Variants in KMT2E observed in about 807,000 individuals in gnomAD.
KMT2E encodes the protein histone reader KMT2E.
KMT2E carries 30 observed loss-of-function variants against 184.6 expected under a neutral mutation model. The ratio of observed to expected loss-of-function variants is 0.16; its 90% CI spans 0.12 to 0.22. The LOEUF (loss-of-function observed/expected upper bound fraction) is 0.22, where lower values mean the gene tolerates loss of function less well. Among genes scored for constraint, KMT2E ranks in the 10% least tolerant of loss-of-function variants. The probability of loss-of-function intolerance (pLI) is 1.00; values close to 1 mark genes in which losing one functional copy is unlikely to be tolerated. For missense variants in KMT2E, 2,023 were observed against 2,237.4 expected (o/e 0.90, Z 1.93); for synonymous variants, 815 against 776.5 (o/e 1.05, Z -0.82).
chr7:105,109,994 CT>C (rs1158397389), intron 23 of KMT2E, among the ~76,000 whole-genome samples: 3 of 151,954 alleles, frequency 2.0e-5, no homozygotes, highest in Non-Finnish European at 4.4e-5. Context: ...CCATGCCTGG[CT>C]AATTTTTTTT....
intron 9 of KMT2E, 135 bp downstream of exon 9, chr7:105,076,216 G>A (rs996435363): frequency 3.4e-5 from 21 of 614,798 alleles, no homozygotes; most frequent in Non-Finnish European, 6.0e-5. Flanking sequence ...ACCAGGAGTG[G>A]GACCTTAGTT....
chr7:105,089,544 C>T (rs1798117332), intron 13 of KMT2E, among the ~76,000 whole-genome samples: 1 of 152,178 alleles, frequency 6.6e-6, no homozygotes, highest in Non-Finnish European at 1.5e-5. Context: ...CACCTGACCT[C>T]ATATGATAGG....
At chr7:105,061,617 C>T (rs549309444) in intron 3 of KMT2E, among the ~76,000 whole-genome samples, 18 of 152,264 alleles carry the variant, frequency 1.2e-4, no homozygotes, top group African/African-American at 4.1e-4. Context: ...CAGAATTGCT[C>T]ATCTTACAGA....
At chr7:105,015,784 CTG>C (rs1221966592) in intron 1 of KMT2E, among the ~76,000 whole-genome samples, 1 of 152,048 alleles carries the variant, frequency 6.6e-6, no homozygotes, top group Admixed American at 6.6e-5. Flanking sequence ...CATGAAAAGA[CTG>C]GGCTGTTTTT....
At position 105,078,880 on chromosome 7, in the gene KMT2E, C is replaced by G. The variant is rs778439616; in HGVS notation, c.1165C>G (p.His389Asp). The change falls in exon 12 of 27, where the codon CAT becomes GAT. Residue 389 changes from histidine to aspartate, a missense_variant. Physicochemically the swap from His to Asp is moderately conservative, Grantham distance 81. Coordinates refer to ENST00000311117, the MANE Select transcript of KMT2E (RefSeq NM_182931.3). The part of the protein sequence containing the change: ...YPFVLFYSKF[H>D]GLEMCVDART... ...TTTTGTGTTATTCTACTCTAAATTTCATGGGCTAGAAATGTGTGTTGATGC... is the reference window on the plus strand; with the variant it reads ...TTTTGTGTTATTCTACTCTAAATTTGATGGGCTAGAAATGTGTGTTGATGC... The G allele has an allele frequency of 3.7e-6, 6 of 1,606,940 alleles. No individual in the cohort carries two copies. The highest frequency in any genetic ancestry group is 4.3e-6 in the Non-Finnish European group (5 of 1,174,036).
chr7:105,063,306 T>C (rs1796898139), intron 4 of KMT2E, 45 bp from the exon 5 acceptor site: 1 of 1,346,912 alleles, frequency 7.4e-7, no homozygotes, highest in Admixed American at 2.2e-5. Flanking sequence ...TATATCATTG[T>C]TGAAATTAAA....
intron 13 of KMT2E, among the ~76,000 whole-genome samples, chr7:105,088,699 A>G (rs540395163): frequency 1.3e-5 from 2 of 152,320 alleles, no homozygotes; most frequent in South Asian, 4.1e-4. Flanking sequence ...ACAGACCTGG[A>G]TCTAAATGCC....
chr7:105,097,870 G>A (rs960596629), intron 15 of KMT2E, among the ~76,000 whole-genome samples: 1 of 152,098 alleles, frequency 6.6e-6, no homozygotes, highest in African/African-American at 2.4e-5. Context: ...AACAATGTGA[G>A]TGCTTGCCAT....
chr7:105,041,143 G>C, intron 3 of KMT2E, 120 bp downstream of exon 3: 2 of 457,776 alleles, frequency 4.4e-6, no homozygotes. Flanking sequence ...ATTTTTTAAA[G>C]TAAAAAAAAA....
chr7:105,076,084 A>G lies in KMT2E; in HGVS notation c.768+3A>G, dbSNP rs1272153477. 4 of 1,585,818 alleles carry G rather than the reference A, an allele frequency of 2.5e-6. No homozygotes were observed. The East Asian group carries it at 9.0e-5, about 36-fold the overall frequency. On this transcript the variant is annotated splice_donor_region_variant and intron_variant, in intron 9 of 26. Coordinates refer to ENST00000311117, the MANE Select transcript of KMT2E (RefSeq NM_182931.3). The stretch of plus-strand genomic sequence containing the variant: ...CTAGGAAGTCATCAAGAGTTAAGGT[A>G]AATACATTAATTTTAAGGTGTTGTT...
At chr7:105,073,497 T>G in intron 6 of KMT2E, 122 bp from the exon 7 acceptor site, 1 of 613,324 alleles carries the variant, frequency 1.6e-6, no homozygotes, top group Non-Finnish European at 2.9e-6. Flanking sequence ...CAAGGGATTT[T>G]GTATATATTT....
intron 1 of KMT2E, among the ~76,000 whole-genome samples, chr7:105,027,557 A>T (rs1795222870): frequency 6.6e-6 from 1 of 152,110 alleles, no homozygotes. Context: ...TATTTTTCTT[A>T]TTGGATATGT....
Position 105,107,030 on chromosome 7 carries a change from G to C in KMT2E, c.2848-136G>C, listed in dbSNP as rs367973621. 7.9e-6 allele frequency: 5 copies of C among 636,110 alleles called. No individual in the cohort carries two copies. The African/African-American group carries it at 9.2e-5, about 12-fold the overall frequency. 39.4% of individuals were successfully genotyped at this position (636,110 alleles called of 1,614,324 possible). On this transcript the variant is annotated intron_variant, in intron 20 of 26. Coordinates refer to ENST00000311117, the MANE Select transcript of KMT2E (RefSeq NM_182931.3). ...ATTGATCTTAAAGCAGTCTTATTTG[G>C]GGAATGGAAATAAACAGGAAACAAG...
chr7:105,082,482 T>C (rs1187496940), intron 13 of KMT2E, among the ~76,000 whole-genome samples: 3 of 152,158 alleles, frequency 2.0e-5, no homozygotes, highest in African/African-American at 7.2e-5. Flanking sequence ...GAAAAGAAAA[T>C]GTTTTTAAGA....
Position 105,113,663 on chromosome 7 carries a change from A to G in KMT2E, c.*330A>G, listed in dbSNP as rs1013781120. On this transcript the variant is annotated 3_prime_UTR_variant, in exon 27 of 27. Coordinates refer to ENST00000311117, the MANE Select transcript of KMT2E (RefSeq NM_182931.3). ...TCTATTATTTTATACATACACATTA[A>G]GTACTCAGCTAAGTAATGGCACTAT... is the stretch of plus-strand genomic sequence containing the variant. 1 of 211,914 alleles carries G rather than the reference A, an allele frequency of 4.7e-6. No homozygotes were observed. The highest frequency in any genetic ancestry group is 2.3e-5 in the African/African-American group (1 of 43,296). 13.1% of individuals were successfully genotyped at this position (211,914 alleles called of 1,614,324 possible).
intron 1 of KMT2E, among the ~76,000 whole-genome samples, chr7:105,028,889 C>G (rs1795283539): frequency 6.6e-6 from 1 of 152,110 alleles, no homozygotes; most frequent in African/African-American, 2.4e-5. Flanking sequence ...ATTTTTGTAG[C>G]TTTCTGTTGA....
At chr7:105,076,748 G>A (rs1797540458) in intron 9 of KMT2E, among the ~76,000 whole-genome samples, 1 of 152,102 alleles carries the variant, frequency 6.6e-6, no homozygotes. Flanking sequence ...ATAGGATGTG[G>A]GGAGCATGTT....
At chr7:105,027,408 T>G (rs1483774165) in intron 1 of KMT2E, among the ~76,000 whole-genome samples, 1 of 152,168 alleles carries the variant, frequency 6.6e-6, no homozygotes, top group Non-Finnish European at 1.5e-5. Flanking sequence ...ACTGGTCCCT[T>G]ATAGGACTCA....
Position 105,111,988 on chromosome 7 carries a change from T to A in KMT2E, c.4232T>A (p.Leu1411His). ...CAGCTATCAAATAACAACCAAGCAC[T>A]TTCAAAGAATCATCCTCCTCAGACA... is the stretch of plus-strand genomic sequence containing the variant. ...QKQLSNNNQA[L>H]SKNHPPQTHV... Residue 1411 changes from leucine to histidine, a missense_variant, in exon 27 of 27, where the codon CTT (leucine) becomes CAT (histidine). Transcript: ENST00000311117. The A allele has an allele frequency of 6.2e-7, 1 of 1,614,154 alleles. No homozygotes were observed. The highest frequency in any genetic ancestry group is 8.5e-7 in the Non-Finnish European group (1 of 1,180,024).
Sources: allele counts gnomAD v4.1 joint callset (sites outside exome capture counted in the v4.1 genomes callset), GRCh38; gene constraint gnomAD v4.1.1; transcripts MANE v1.5; gene names NCBI Gene and HGNC (gene_info 2026-07-23, HGNC 2026-07-21).